The following CFAP46 variants were observed in gnomAD, a reference collection of about 807,000 sequenced individuals.
CFAP46 encodes cilia and flagella associated protein 46.
CFAP46 carries 245 observed loss-of-function variants against 325.7 expected under a neutral mutation model. The ratio of observed to expected loss-of-function variants is 0.75; its 90% CI spans 0.68 to 0.84. The LOEUF (loss-of-function observed/expected upper bound fraction) is 0.84, where lower values mean the gene tolerates loss of function less well. Among genes scored for constraint, CFAP46 ranks in the 40% least tolerant of loss-of-function variants. The probability of loss-of-function intolerance (pLI) is 0.00; values close to 1 mark genes in which losing one functional copy is unlikely to be tolerated. For synonymous variants in CFAP46, 1,523 were observed against 1,495.9 expected (o/e 1.02, Z -0.42); for missense variants, 3,346 against 3,543.0 (o/e 0.94, Z 1.41).
rs147302289 is a variant in CFAP46 at position 132,882,516 on chromosome 10, G to A, written c.3628-1484C>T. 9.2e-3 allele frequency among the ~76,000 whole-genome samples: 1,406 copies of A among 152,034 alleles called. 12 individuals are homozygous for A. The highest frequency in any genetic ancestry group is 0.043 in the South Asian group (209 of 4,814). On this transcript the variant is annotated intron_variant, in intron 27 of 57. Transcript: ENST00000368586. The stretch of plus-strand genomic sequence containing the variant: ...GAGGGGGAAGGCAAGAAGAAGGATG[G>A]TGGGAAAAGCAAGCGTTTGGTTTTG...
At position 132,877,294 on chromosome 10, in the gene CFAP46, C is replaced by T. The variant is rs1176909424; in HGVS notation, c.4213-333G>A. Among the ~76,000 whole-genome samples the T allele has an allele frequency of 5.9e-5, 9 of 152,206 alleles. No homozygotes were observed. Among genetic ancestry groups the T allele is most frequent in the South Asian group, 4.2e-4 (2 of 4,808 alleles). ...GCTCAGCAGTGCTCGTGCTGGGGTC[C>T]GGGTGTGAGCGTCCCATGAACTCAG... is the stretch of plus-strand genomic sequence containing the variant. On this transcript the variant is annotated intron_variant, in intron 30 of 57. Coordinates refer to ENST00000368586, the MANE Select transcript of CFAP46 (RefSeq NM_001200049.3). This position sits in a 1 kb window ranked among gnomAD's most constrained non-coding sequence, Gnocchi z 5.7.
rs753610549 is a variant in CFAP46, at chr10:132,814,876, T to A, written c.7156A>T (p.Lys2386Ter). 1 of 1,614,182 alleles carries A rather than the reference T, an allele frequency of 6.2e-7. No individual in the cohort carries two copies. The highest frequency in any genetic ancestry group is 2.2e-5 in the East Asian group (1 of 44,876). ...CCCTTCTTCGCTAGGCTTCTCTTTT[T>A]GGGGTCTCTGCTTCTTCCCTCCTTT... is the stretch of plus-strand genomic sequence containing the variant. ...VKKEGRSRDP[K>*]KRSLAKKGRK... The change falls in exon 51 of 58, where the codon AAA (lysine) becomes TAA (stop). Residue 2386 changes from lysine (K) to a stop codon, truncating the protein, a stop_gained. Transcript: ENST00000368586. LOFTEE classifies it high-confidence loss of function.
rs1245765334 is a variant in CFAP46, at chr10:132,822,573, GTGTGTGC to G, written c.7118-7666_7118-7660del. Among the ~76,000 whole-genome samples, 692 of 134,264 alleles carry G rather than the reference GTGTGTGC, an allele frequency of 5.2e-3. 7 individuals carry two copies. The highest frequency in any genetic ancestry group is 8.3e-3 in the Non-Finnish European group (529 of 63,714). 88.1% of individuals were successfully genotyped at this position (134,264 alleles called of 152,430 possible). On this transcript the variant is annotated intron_variant, in intron 50 of 57. Coordinates refer to ENST00000368586, the MANE Select transcript of CFAP46 (RefSeq NM_001200049.3). ...CTGTGTGTGCGCTGATGTGTGCTGTGTGTGTGCTGTGTGCTGTGTGAGTGCTGATGTG... is the reference window on the plus strand; with the variant it reads ...CTGTGTGTGCGCTGATGTGTGCTGTGTGTGTGCTGTGTGAGTGCTGATGTG...
In CFAP46 at chr10:132,832,975, C is replaced by T. The variant is rs28583785; in HGVS notation, c.7117+383G>A. Among the ~76,000 whole-genome samples, 1 of 151,974 alleles carries T rather than the reference C, an allele frequency of 6.6e-6. No homozygotes were observed. Among genetic ancestry groups the T allele is most frequent in the East Asian group, 1.9e-4 (1 of 5,176 alleles). On this transcript the variant is annotated intron_variant, in intron 50 of 57. Coordinates refer to ENST00000368586, the MANE Select transcript of CFAP46 (RefSeq NM_001200049.3). The surrounding 1 kb of genome is among the most constrained non-coding windows in gnomAD (Gnocchi z 4.1). ...ATAGTTTTGAGTGTTTATATATATA[C>T]ATATATATTTTATTTTTGACAGGGT...
In CFAP46 at chr10:132,860,863, T is replaced by G; in HGVS notation, c.5010A>C (p.Gly1670=). Residue 1670 remains glycine (G), a synonymous_variant, in exon 36 of 58, where the codon GGA becomes GGC. Coordinates refer to ENST00000368586, the MANE Select transcript of CFAP46 (RefSeq NM_001200049.3). ...TGGAATTGTACCAGAACTCCTCACT[T>G]CCGCCCAGGTGCTGGGCCTGTGCGA... ...KMIAQAQHLG[G]SEEFWYNSTL... 6.4e-7 allele frequency: 1 copy of G among 1,550,992 alleles called. No individual in the cohort carries two copies. The highest frequency in any genetic ancestry group is 8.7e-7 in the Non-Finnish European group (1 of 1,147,076).
At chr10:132,811,624 C>T (rs1470079396) in intron 55 of CFAP46, among the ~76,000 whole-genome samples, 2 of 152,190 alleles carry the variant, frequency 1.3e-5, no homozygotes, top group African/African-American at 2.4e-5. Flanking sequence ...GCAGCCTGGC[C>T]GTTCCCGCAG....
chr10:132,916,662 C>A lies in CFAP46; in HGVS notation c.2007G>T (p.Arg669=). ...IHAEATVHLL[R]SEGVELNDRA... The stretch of plus-strand genomic sequence containing the variant: ...GGTCATTCAGCTCTACACCTTCTGA[C>A]CGCAGCAAATGAACCGTGGCCTGCA... The change falls in exon 17 of 58, where the codon CGG becomes CGT. Residue 669 remains arginine (R), a synonymous_variant. Coordinates refer to ENST00000368586, the MANE Select transcript of CFAP46 (RefSeq NM_001200049.3). 1 of 1,492,980 alleles carries A rather than the reference C, an allele frequency of 6.7e-7. No homozygotes were observed. Among genetic ancestry groups the A allele is most frequent in the Non-Finnish European group, 9.0e-7 (1 of 1,116,640 alleles). 92.5% of individuals were successfully genotyped at this position (1,492,980 alleles called of 1,614,324 possible).
At chr10:132,829,576 C>T (rs962736564) in intron 50 of CFAP46, among the ~76,000 whole-genome samples, 5 of 152,238 alleles carry the variant, frequency 3.3e-5, no homozygotes, top group Admixed American at 1.3e-4. Flanking sequence ...GGTGCTGACA[C>T]TGCAGTGAGC....
chr10:132,828,864 T>G lies in CFAP46; in HGVS notation c.7117+4494A>C, dbSNP rs1303731463. Among the ~76,000 whole-genome samples, 1 of 152,150 alleles carries G rather than the reference T, an allele frequency of 6.6e-6. No homozygotes were observed. The highest frequency in any genetic ancestry group is 2.4e-5 in the African/African-American group (1 of 41,406). On this transcript the variant is annotated intron_variant, in intron 50 of 57. Coordinates refer to ENST00000368586, the MANE Select transcript of CFAP46 (RefSeq NM_001200049.3). This position sits in a 1 kb window ranked among gnomAD's most constrained non-coding sequence, Gnocchi z 4.9. ...CCTCCGCTCAGCGTCCTCGTCCCTT[T>G]GCCAGCCACCACCCGGCTGTGCACC...
Position 132,850,450 on chromosome 10 carries a change from T to C in CFAP46, c.5764-18A>G, listed in dbSNP as rs1169377810. On this transcript the variant is annotated intron_variant, in intron 40 of 57. Coordinates refer to ENST00000368586, the MANE Select transcript of CFAP46 (RefSeq NM_001200049.3). Reference sequence around the variant, plus strand: ...AACCATTGCTTCGAAAAGACAGACATGTTACAGCTGCCACCCCAAGGGCAA... The same window carrying C: ...AACCATTGCTTCGAAAAGACAGACACGTTACAGCTGCCACCCCAAGGGCAA... 2 of 1,534,014 alleles carry C rather than the reference T, an allele frequency of 1.3e-6. No individual in the cohort carries two copies. Among genetic ancestry groups the C allele is most frequent in the Non-Finnish European group, 1.8e-6 (2 of 1,135,154 alleles).
chr10:132,820,843 CTG>C (rs1272174451), intron 50 of CFAP46, among the ~76,000 whole-genome samples: 3 of 115,500 alleles, frequency 2.6e-5, no homozygotes, highest in African/African-American at 7.1e-5. Flanking sequence ...CTGATGTGTG[CTG>C]TGTGTGCGCT....
rs957189721 is a variant in CFAP46, at chr10:132,912,779, C to T, written c.2375G>A (p.Arg792Gln). The change falls in exon 19 of 58, where the codon CGA (arginine) becomes CAA (glutamine). Residue 792 changes from arginine (R) to glutamine (Q), a missense_variant. By Grantham distance (43) the Arg-to-Gln change is conservative (BLOSUM62 1). Transcript: ENST00000368586. ...MLVTLCNTLA[R>Q]GLIISWIPVQ... is the part of the protein sequence containing the mutation. ...TGGAATCCAGCTGATGATCAGGCCT[C>T]GCGCCAAGGTGTTGCAGAGCGTCAC... The T allele has an allele frequency of 1.7e-5, 27 of 1,550,044 alleles. No individual in the cohort carries two copies. The highest frequency in any genetic ancestry group is 3.9e-5 in the Admixed American group (2 of 50,990).
At chr10:132,931,651 CCTACA>C (rs1233217705) in intron 8 of CFAP46, among the ~76,000 whole-genome samples, 27 of 140,410 alleles carry the variant, frequency 1.9e-4, no homozygotes, top group Non-Finnish European at 3.4e-4. Flanking sequence ...CCTGGGCCTC[CCTACA>C]CTCCCCACAC....
At chr10:132,930,443 A>C (rs55802628) in intron 8 of CFAP46, among the ~76,000 whole-genome samples, 71 of 97,546 alleles carry the variant, frequency 7.3e-4, no homozygotes, top group African/African-American at 8.1e-4. Flanking sequence ...AGAGCCTGGG[A>C]CTTCCCCACA....
Position 132,811,042 on chromosome 10 carries a change from G to A in CFAP46, c.7502-11C>T, listed in dbSNP as rs41306838. On this transcript the variant is annotated splice_polypyrimidine_tract_variant and intron_variant, in intron 55 of 57. Transcript: ENST00000368586. ...CTGCCACCTGGCACTCTGCCGGGAC[G>A]GGAAGGGCAGCTCAGCAGCCTTGGC... 27,582 of 1,574,284 alleles carry A rather than the reference G, an allele frequency of 0.018. 314 individuals carry two copies. Among genetic ancestry groups the A allele is most frequent in the African/African-American group, 0.047 (3,504 of 74,334 alleles).
chr10:132,903,996 A>G (rs1010824464), intron 22 of CFAP46, among the ~76,000 whole-genome samples: 4 of 152,258 alleles, frequency 2.6e-5, no homozygotes, highest in Non-Finnish European at 4.4e-5. Flanking sequence ...ATATGAACTC[A>G]TTCGTAACTG....
At chr10:132,915,840 G>A (rs868050081) in intron 17 of CFAP46, among the ~76,000 whole-genome samples, 15 of 152,144 alleles carry the variant, frequency 9.9e-5, no homozygotes, top group African/African-American at 1.7e-4. Flanking sequence ...TGACGGATTC[G>A]CTGATTACCC....
At chr10:132,892,508 G>T in intron 24 of CFAP46, 91 bp from the exon 25 acceptor site, 1 of 1,205,952 alleles carries the variant, frequency 8.3e-7, no homozygotes, top group Non-Finnish European at 1.2e-6. Context: ...TGAGCTCTGT[G>T]TTCCTCTCCT....
intron 25 of CFAP46, among the ~76,000 whole-genome samples, chr10:132,888,000 T>TCTCTCTCCTCTCCCCTCTTCC (rs1849189923): frequency 1.4e-5 from 1 of 73,614 alleles, no homozygotes. Context: ...TCCCCTCTTC[T>TCTCTCTCCTCTCCCCTCTTCC]CTCTCTCCTC....
Sources: gnomAD v4.1 joint callset for allele counts (sites outside exome capture counted in the v4.1 genomes callset) on GRCh38, gnomAD v4.1.1 for gene constraint, Gnocchi (gnomAD v3.1) non-coding constraint, MANE v1.5 for transcripts, NCBI Gene and HGNC (gene_info 2026-07-23, HGNC 2026-07-21) for gene names.